The following DIAPH2 variants were observed in gnomAD, a reference collection of about 807,000 sequenced individuals.
DIAPH2 encodes protein diaphanous homolog 2.
In DIAPH2, 35 loss-of-function variants were observed where a neutral mutation model predicts 92.7. The observed-to-expected ratio is 0.38, with a 90% CI of 0.29 to 0.50. The LOEUF (loss-of-function observed/expected upper bound fraction) is 0.50, where lower values mean the gene tolerates loss of function less well. Ranked by LOEUF, DIAPH2 falls within the 20% of genes least tolerant of loss-of-function variation. The pLI, the probability that DIAPH2 is intolerant of heterozygous loss-of-function variation, is 0.94. For synonymous variants in DIAPH2, 301 were observed against 280.4 expected, an observed-to-expected ratio of 1.07 and a Z score of -0.73; for missense variants, 701 against 819.5, an observed-to-expected ratio of 0.86 and a Z score of 1.77.
chrX:97,461,699 C>T (rs1386373637), intron 26 of DIAPH2, among the ~76,000 whole-genome samples: 1 of 111,296 alleles, frequency 9.0e-6, no homozygotes, highest in African/African-American at 3.3e-5. Context: ...CAGGCTAAAC[C>T]AAAACTCATA....
chrX:96,773,244 C>CCCCCAA (rs1556143661), intron 4 of DIAPH2, among the ~76,000 whole-genome samples: 52 of 86,468 alleles, frequency 6.0e-4, no homozygotes, highest in African/African-American at 2.0e-3. Flanking sequence ...GTTTCCCCCC[C>CCCCCAA]CCTCCCGCCC....
At chrX:97,466,972 A>AT (rs2070518190) in intron 26 of DIAPH2, among the ~76,000 whole-genome samples, 1 of 111,742 alleles carries the variant, frequency 8.9e-6, no homozygotes, top group Non-Finnish European at 1.9e-5. Context: ...TATTGTGTAT[A>AT]TTTTTTCTTT....
chrX:97,309,044 C>T (rs2147637559), intron 23 of DIAPH2, among the ~76,000 whole-genome samples: 2 of 109,909 alleles, frequency 1.8e-5, no homozygotes, highest in East Asian at 5.9e-4. Flanking sequence ...AACAAAAAGC[C>T]TCTGCTAGCA....
At chrX:97,429,555 GTATTA>G (rs765521713) in intron 25 of DIAPH2, 90 bp from the exon 26 acceptor site, 90 of 1,071,335 alleles carry the variant, frequency 8.4e-5, no homozygotes, top group Non-Finnish European at 1.0e-4. Flanking sequence ...TAATTTAGGG[GTATTA>G]TGTAAATCTG....
At chrX:96,737,079 G>GTT (rs2064092308) in intron 2 of DIAPH2, among the ~76,000 whole-genome samples, 1 of 111,937 alleles carries the variant, frequency 8.9e-6, no homozygotes, top group African/African-American at 3.2e-5. Context: ...ATGATTAGAA[G>GTT]AAATGAATCT....
intron 22 of DIAPH2, among the ~76,000 whole-genome samples, chrX:97,236,528 CT>C (rs895710524): frequency 8.7e-5 from 9 of 103,724 alleles, no homozygotes; most frequent in East Asian, 3.0e-4. Context: ...TTTCTTTTTC[CT>C]TTTTTTTTCA....
At chrX:96,730,868 G>A (rs1261781149) in intron 1 of DIAPH2, among the ~76,000 whole-genome samples, 3 of 110,717 alleles carry the variant, frequency 2.7e-5, no homozygotes, top group East Asian at 2.8e-4. Context: ...GGGCGCAGGC[G>A]GGCTGAGTCC....
At chrX:97,055,942 A>G (rs763924903) in intron 17 of DIAPH2, among the ~76,000 whole-genome samples, 1 of 112,007 alleles carries the variant, frequency 8.9e-6, no homozygotes, top group South Asian at 3.8e-4. Context: ...GGTCACTCCT[A>G]TCTGTTGTTA....
At chrX:97,515,338 T>C (rs1266069361) in intron 26 of DIAPH2, among the ~76,000 whole-genome samples, 3 of 112,481 alleles carry the variant, frequency 2.7e-5, no homozygotes, top group South Asian at 3.6e-4. Flanking sequence ...TTGCGCTTCC[T>C]GAGTGAGGCA....
chrX:97,085,538 C>T (rs1159842124), intron 19 of DIAPH2, among the ~76,000 whole-genome samples: 2 of 110,780 alleles, frequency 1.8e-5, no homozygotes, highest in Non-Finnish European at 3.8e-5. Context: ...GATTCTCCTT[C>T]CTCAGCCTCC....
intron 15 of DIAPH2, among the ~76,000 whole-genome samples, chrX:96,950,717 C>T (rs1248544667): frequency 1.8e-5 from 2 of 111,714 alleles, no homozygotes; most frequent in Non-Finnish European, 3.8e-5. Flanking sequence ...GTTACTCCAG[C>T]CTTTAATATG....
At chrX:97,367,857 C>G (rs188504741) in intron 24 of DIAPH2, among the ~76,000 whole-genome samples, 2 of 110,894 alleles carry the variant, frequency 1.8e-5, no homozygotes, top group Admixed American at 9.6e-5. Context: ...TGCTCGCCAC[C>G]AGGCCCAGCT....
At chrX:96,958,596 CTT>C (rs1405261124) in intron 16 of DIAPH2, among the ~76,000 whole-genome samples, 1 of 111,674 alleles carries the variant, frequency 9.0e-6, no homozygotes, top group Non-Finnish European at 1.9e-5. Flanking sequence ...CAGATCTTCT[CTT>C]CTAGTTATTT....
At chrX:96,980,448 G>A (rs1273532528) in intron 17 of DIAPH2, among the ~76,000 whole-genome samples, 1 of 110,936 alleles carries the variant, frequency 9.0e-6, no homozygotes, top group Non-Finnish European at 1.9e-5. Context: ...CTCTCAGCCA[G>A]TGGAACCTAG....
intron 23 of DIAPH2, among the ~76,000 whole-genome samples, chrX:97,286,197 C>T (rs1210503657): frequency 9.4e-6 from 1 of 106,902 alleles, no homozygotes; most frequent in East Asian, 3.0e-4. Flanking sequence ...TACAGGCACA[C>T]ACCACCATGC....
At chrX:97,484,797 T>C (rs779027032) in intron 26 of DIAPH2, among the ~76,000 whole-genome samples, 62 of 111,431 alleles carry the variant, frequency 5.6e-4, no homozygotes, top group African/African-American at 1.8e-3. Context: ...CTCAGGAGGC[T>C]GAGGCAGGAG....
At chrX:96,939,480 G>GTA in intron 12 of DIAPH2, 98 bp downstream of exon 12, 1 of 122,051 alleles carries the variant, frequency 8.2e-6, no homozygotes, top group Admixed American at 8.0e-5. Flanking sequence ...ATGCATATGT[G>GTA]TGTGTATGTA....
At position 97,226,659 on chromosome X, in the gene DIAPH2, G is replaced by C. The variant is rs2067967863; in HGVS notation, c.2720-21056G>C. The stretch of plus-strand genomic sequence containing the variant: ...CACAGTGCTGGGATTACAAGCATGA[G>C]CCACCTCACCCAGCCGAGTATATGT... On this transcript the variant is annotated intron_variant, in intron 22 of 26. Transcript: ENST00000324765. Among the ~76,000 whole-genome samples, 4 of 111,739 alleles carry C rather than the reference G, an allele frequency of 3.6e-5. No homozygotes were observed. In the South Asian group the frequency reaches 1.5e-3, roughly 42 times the overall value.
At chrX:97,169,104 A>G (rs1419647689) in intron 22 of DIAPH2, among the ~76,000 whole-genome samples, 2 of 99,541 alleles carry the variant, frequency 2.0e-5, no homozygotes, top group Non-Finnish European at 4.1e-5. Flanking sequence ...ATAGTGATAA[A>G]TATTATGTAG....
Sources: allele counts gnomAD v4.1 joint callset (sites outside exome capture counted in the v4.1 genomes callset), GRCh38; gene constraint gnomAD v4.1.1; transcripts MANE v1.5; gene names NCBI Gene and HGNC (gene_info 2026-07-23, HGNC 2026-07-21).